PPP2R1A: variants seen among roughly 807,000 people sequenced by gnomAD.
The protein encoded by PPP2R1A is protein phosphatase 2 scaffold subunit Aalpha.
In PPP2R1A, 15 loss-of-function variants were observed where a neutral mutation model predicts 67.1. That is an observed-to-expected ratio of 0.22 (90% CI 0.15 to 0.34). The LOEUF (loss-of-function observed/expected upper bound fraction) is 0.34, where lower values mean the gene tolerates loss of function less well. Among genes scored for constraint, PPP2R1A ranks in the 10% least tolerant of loss-of-function variants. The pLI, the probability that PPP2R1A is intolerant of heterozygous loss-of-function variation, is 1.00. For missense variants in PPP2R1A, 369 were observed against 775.0 expected (o/e 0.48, Z 6.22); for synonymous variants, 337 against 325.0 (o/e 1.04, Z -0.40).
intron 1 of PPP2R1A, chr19:52,201,561 A>G (rs773431805): frequency 3.4e-4 from 62 of 184,810 alleles, no homozygotes; most frequent in Non-Finnish European, 1.2e-4. Context: ...GAAGCGTGTT[A>G]TAAACGTGGC....
chr19:52,212,781 A>G lies in PPP2R1A; in HGVS notation c.599A>G (p.Asn200Ser), dbSNP rs761428039. ...GEFAKVLELD[N>S]VKSEIIPMFS... ...TTTGCCAAGGTGCTGGAGCTGGACA[A>G]CGTCAAGAGTGAGATCATCCCCATG... The change falls in exon 5 of 15, where the codon AAC becomes AGC. Residue 200 changes from asparagine (N) to serine (S), a missense_variant. By Grantham distance (46) the Asn-to-Ser change is conservative. Transcript: ENST00000322088. The surrounding 1 kb of genome is among the most constrained non-coding windows in gnomAD (Gnocchi z 4.1). 13 of 1,613,358 alleles carry G rather than the reference A, an allele frequency of 8.1e-6. No individual in the cohort carries two copies. The highest frequency in any genetic ancestry group is 2.7e-5 in the African/African-American group (2 of 74,920).
At chr19:52,209,411 T>A (rs1488210540) in intron 3 of PPP2R1A, among the ~76,000 whole-genome samples, 2 of 152,248 alleles carry the variant, frequency 1.3e-5, no homozygotes, top group African/African-American at 4.8e-5. Context: ...CCTGTGACAG[T>A]GACATTATGC....
chr19:52,213,971 C>T lies in PPP2R1A; in HGVS notation c.807+861C>T, dbSNP rs1036124632. On this transcript the variant is annotated intron_variant, in intron 6 of 14. Transcript: ENST00000322088. The surrounding 1 kb of genome is among the most constrained non-coding windows in gnomAD (Gnocchi z 4.2). ...GTGAATTCGGATCATTCCTGGCCTT[C>T]ATGGAGCTAGGCAGTCTGAAGGGGA... Among the ~76,000 whole-genome samples, 2 of 152,042 alleles carry T rather than the reference C, an allele frequency of 1.3e-5. No homozygotes were observed. The highest frequency in any genetic ancestry group is 2.9e-5 in the Non-Finnish European group (2 of 68,012).
chr19:52,201,805 T>G, intron 1 of PPP2R1A, 139 bp from the exon 2 acceptor site: 1 of 675,030 alleles, frequency 1.5e-6, no homozygotes, highest in Non-Finnish European at 2.6e-6. Context: ...TCTTGGTGGG[T>G]GTTTGCCAAA....
intron 1 of PPP2R1A, chr19:52,201,497 T>C (rs1461907385): frequency 6.5e-6 from 1 of 154,704 alleles, no homozygotes. Flanking sequence ...GGACTCCAGC[T>C]AGTGACATGG....
chr19:52,227,456 C>G lies in PPP2R1A; in HGVS notation c.*1475C>G, dbSNP rs1319322822. On this transcript the variant is annotated 3_prime_UTR_variant, in exon 15 of 15. Coordinates refer to ENST00000322088, the MANE Select transcript of PPP2R1A (RefSeq NM_014225.6). ...TGCCTGTTCGTTTAGGGTTTCATCA[C>G]TTGAAGGTGACCGGAATTCTAACTG... The G allele has an allele frequency of 6.6e-6, 1 of 152,268 alleles. No individual in the cohort carries two copies. The highest frequency in any genetic ancestry group is 1.5e-5 in the Non-Finnish European group (1 of 68,094). The allele number at this position is 152,268 out of a possible 1,614,324, so 9.4% of individuals were successfully genotyped here.
At chr19:52,208,923 C>T (rs2089636829) in intron 3 of PPP2R1A, among the ~76,000 whole-genome samples, 1 of 152,162 alleles carries the variant, frequency 6.6e-6, no homozygotes. Context: ...GTGTGGTCTC[C>T]AGGTTTGAGA....
chr19:52,212,498 C>A lies in PPP2R1A; in HGVS notation c.504-188C>A. 3.2e-6 allele frequency: 2 copies of A among 629,722 alleles called. No individual in the cohort carries two copies. Among genetic ancestry groups the A allele is most frequent in the Non-Finnish European group, 5.4e-6 (2 of 368,924 alleles). 39.0% of individuals were successfully genotyped at this position (629,722 alleles called of 1,614,324 possible). A position where few individuals can be genotyped will look rare whatever the true frequency, so the allele number is the denominator to read the frequency against. On this transcript the variant is annotated intron_variant, in intron 4 of 14. Coordinates refer to ENST00000322088, the MANE Select transcript of PPP2R1A (RefSeq NM_014225.6). The surrounding 1 kb of genome is among the most constrained non-coding windows in gnomAD (Gnocchi z 4.1). ...ACACACACTATTTTCATTTAAACCT[C>A]ATGCGGACCTGTGGGGTAGGTACTG...
intron 1 of PPP2R1A, among the ~76,000 whole-genome samples, chr19:52,196,665 A>C (rs1296443458): frequency 6.6e-6 from 1 of 152,202 alleles, no homozygotes; most frequent in Non-Finnish European, 1.5e-5. Context: ...CAGGGGCTTA[A>C]ATGAGCTTGA....
chr19:52,202,046 G>A lies in PPP2R1A; in HGVS notation c.169+12G>A, dbSNP rs200369713. 1,331 of 1,611,634 alleles carry A rather than the reference G, an allele frequency of 8.3e-4. 21 individuals are homozygous for A. The South Asian group carries it at 0.013, about 16-fold the overall frequency. On this transcript the variant is annotated intron_variant, in intron 2 of 14. Coordinates refer to ENST00000322088, the MANE Select transcript of PPP2R1A (RefSeq NM_014225.6). ...GCCTTTCCTTACAGGTAACAAAGGG[G>A]ACCCCTGGGGCCCAGATGTGGGGAC...
intron 1 of PPP2R1A, among the ~76,000 whole-genome samples, chr19:52,199,315 C>A (rs2089525015): frequency 6.6e-6 from 1 of 152,050 alleles, no homozygotes; most frequent in South Asian, 2.1e-4. Context: ...TATAGGCGCC[C>A]GCCACCACGC....
In PPP2R1A at chr19:52,211,132, G is replaced by T; in HGVS notation, c.271-128G>T. 1.3e-6 allele frequency: 1 copy of T among 784,170 alleles called. No homozygotes were observed. Among genetic ancestry groups the T allele is most frequent in the East Asian group, 2.8e-5 (1 of 36,274 alleles). The allele number at this position is 784,170 out of a possible 1,614,324, so 48.6% of individuals were successfully genotyped here. ...AACCATTTTTAAAGGCTATTTTAAT[G>T]AAGGTCGGGATGGGTAATAGGGAAG... On this transcript the variant is annotated intron_variant, in intron 3 of 14. Coordinates refer to ENST00000322088, the MANE Select transcript of PPP2R1A (RefSeq NM_014225.6). This position sits in a 1 kb window ranked among gnomAD's most constrained non-coding sequence, Gnocchi z 5.3.
At chr19:52,197,558 C>T (rs1316489990) in intron 1 of PPP2R1A, among the ~76,000 whole-genome samples, 1 of 152,082 alleles carries the variant, frequency 6.6e-6, no homozygotes, top group Non-Finnish European at 1.5e-5. Flanking sequence ...GCCTGTAGAC[C>T]CGTCTACTTG....
intron 3 of PPP2R1A, among the ~76,000 whole-genome samples, chr19:52,208,200 C>T (rs2089624793): frequency 6.6e-6 from 1 of 152,134 alleles, no homozygotes; most frequent in African/African-American, 2.4e-5. Context: ...TGGAGTTTCA[C>T]TCTTGCTGCA....
At chr19:52,218,599 A>G (rs549753338) in intron 9 of PPP2R1A, among the ~76,000 whole-genome samples, 5 of 152,086 alleles carry the variant, frequency 3.3e-5, no homozygotes, top group Admixed American at 6.5e-5. Context: ...CATAGTTTTT[A>G]TAATTTTATA....
At chr19:52,220,911 C>A (rs1978881268) in intron 11 of PPP2R1A, 68 bp from the exon 12 acceptor site, 4 of 1,557,516 alleles carry the variant, frequency 2.6e-6, no homozygotes, top group Admixed American at 1.7e-5. Context: ...GTGAGTGTGA[C>A]CTACATTTTG....
At position 52,216,396 on chromosome 19, in the gene PPP2R1A, C is replaced by T. The variant is rs980681618; in HGVS notation, c.994-133C>T. Reference sequence around the variant, plus strand: ...TAAGGAATAGTGATTTCCCCTGTACCCTAAGCCATCCCCTGCTCTATGAAT... The same window carrying T: ...TAAGGAATAGTGATTTCCCCTGTACTCTAAGCCATCCCCTGCTCTATGAAT... On this transcript the variant is annotated intron_variant, in intron 8 of 14. Transcript: ENST00000322088. This position sits in a 1 kb window ranked among gnomAD's most constrained non-coding sequence, Gnocchi z 4.3. The T allele has an allele frequency of 5.7e-6, 7 of 1,229,480 alleles. No individual in the cohort carries two copies. The Admixed American group carries it at 1.5e-4, about 26-fold the overall frequency. 76.2% of individuals were successfully genotyped at this position (1,229,480 alleles called of 1,614,324 possible).
intron 3 of PPP2R1A, among the ~76,000 whole-genome samples, chr19:52,208,571 C>G (rs2089631743): frequency 6.6e-6 from 1 of 152,162 alleles, no homozygotes; most frequent in Admixed American, 6.5e-5. Flanking sequence ...GTAATCTCAG[C>G]TCACTGCAGC....
intron 6 of PPP2R1A, among the ~76,000 whole-genome samples, chr19:52,215,129 C>A (rs567232337): frequency 6.6e-6 from 1 of 152,326 alleles, no homozygotes; most frequent in East Asian, 1.9e-4. Context: ...AGTCACGGCT[C>A]ACTGCAGCCT....
Sources: gnomAD v4.1 joint callset for allele counts (sites outside exome capture counted in the v4.1 genomes callset) on GRCh38, gnomAD v4.1.1 for gene constraint, Gnocchi (gnomAD v3.1) non-coding constraint, MANE v1.5 for transcripts, NCBI Gene and HGNC (gene_info 2026-07-23, HGNC 2026-07-21) for gene names.